FTO: variants seen among roughly 807,000 people sequenced by gnomAD.
FTO encodes FTO alpha-ketoglutarate dependent dioxygenase.
FTO carries 47 observed loss-of-function variants against 63.9 expected under a neutral mutation model. The ratio of observed to expected loss-of-function variants is 0.74; its 90% CI spans 0.58 to 0.94. FTO has a LOEUF of 0.94. Ranked by LOEUF, FTO falls within the 40% of genes least tolerant of loss-of-function variation. FTO has a pLI of 0.00. For synonymous variants in FTO, 207 were observed against 224.4 expected, an observed-to-expected ratio of 0.92 and a Z score of 0.69; for missense variants, 562 against 618.1, an observed-to-expected ratio of 0.91 and a Z score of 0.96.
intron 4 of FTO, among the ~76,000 whole-genome samples, chr16:53,869,616 C>T (rs1025704318): frequency 8.7e-5 from 13 of 148,852 alleles, no homozygotes; most frequent in Admixed American, 3.4e-4. Context: ...TCCTCATGCT[C>T]AGAGATCTTT....
At chr16:54,056,805 C>T (rs1217501300) in intron 8 of FTO, among the ~76,000 whole-genome samples, 1 of 152,192 alleles carries the variant, frequency 6.6e-6, no homozygotes, top group Non-Finnish European at 1.5e-5. Flanking sequence ...AATTCCTGAC[C>T]CACAGAAACT....
chr16:53,857,474 A>G (rs916596821), intron 4 of FTO, among the ~76,000 whole-genome samples: 5 of 138,354 alleles, frequency 3.6e-5, no homozygotes, highest in Admixed American at 6.8e-5. Context: ...CTCTTTCTAT[A>G]TATATATAGG....
At chr16:53,757,261 C>T (rs928790098) in intron 1 of FTO, among the ~76,000 whole-genome samples, 3 of 152,052 alleles carry the variant, frequency 2.0e-5, no homozygotes, top group African/African-American at 7.2e-5. Flanking sequence ...TAGCAATTTT[C>T]AAGTATATAA....
intron 8 of FTO, among the ~76,000 whole-genome samples, chr16:54,091,994 G>A (rs1485699515): frequency 1.3e-5 from 2 of 152,220 alleles, no homozygotes; most frequent in Non-Finnish European, 1.5e-5. Context: ...AAAAGAAAAA[G>A]GGCTGGGCAC....
At chr16:54,094,622 C>T (rs2086470997) in intron 8 of FTO, among the ~76,000 whole-genome samples, 1 of 152,206 alleles carries the variant, frequency 6.6e-6, no homozygotes, top group African/African-American at 2.4e-5. Context: ...CTTGGGAATC[C>T]AGGGAGGCTT....
chr16:53,926,166 T>C (rs2082133494), intron 7 of FTO, among the ~76,000 whole-genome samples: 1 of 152,168 alleles, frequency 6.6e-6, no homozygotes, highest in Admixed American at 6.6e-5. Context: ...TTTAGGCACG[T>C]CCATCCAAAT....
At chr16:53,787,112 A>AAAAAG (rs1226711377) in intron 1 of FTO, among the ~76,000 whole-genome samples, 1 of 14,836 alleles carries the variant, frequency 6.7e-5, no homozygotes, top group African/African-American at 1.2e-4. Flanking sequence ...CTCCTTCTCA[A>AAAAAG]AAAAAAAAAA....
At chr16:54,100,492 G>A (rs1225763548) in intron 8 of FTO, among the ~76,000 whole-genome samples, 1 of 151,970 alleles carries the variant, frequency 6.6e-6, no homozygotes, top group African/African-American at 2.4e-5. Context: ...AGCTAGGACT[G>A]CAGCTGCCCG....
chr16:53,796,766 A>G (rs563338457), intron 1 of FTO, among the ~76,000 whole-genome samples: 1 of 152,214 alleles, frequency 6.6e-6, no homozygotes. Context: ...AGTAATCCTT[A>G]CTTACTCTTC....
chr16:54,079,006 A>G (rs768159991), intron 8 of FTO, among the ~76,000 whole-genome samples: 2 of 152,192 alleles, frequency 1.3e-5, no homozygotes, highest in Admixed American at 6.5e-5. Flanking sequence ...AATTTCAATA[A>G]TGTTTTTAAG....
chr16:53,943,871 G>A (rs999140194), intron 8 of FTO, among the ~76,000 whole-genome samples: 3 of 152,180 alleles, frequency 2.0e-5, no homozygotes, highest in Admixed American at 1.3e-4. Flanking sequence ...TAGGGAATCC[G>A]TAACATAAAT....
Position 54,112,204 on chromosome 16 carries a change from C to T in FTO, c.*289C>T, listed in dbSNP as rs560842024. 2.1e-5 allele frequency: 9 copies of T among 423,938 alleles called. No individual in the cohort carries two copies. Among genetic ancestry groups the T allele is most frequent in the East Asian group, 5.2e-5 (1 of 19,262 alleles). 26.3% of individuals were successfully genotyped at this position (423,938 alleles called of 1,614,324 possible). ...CAAGGTCCAGGGCAGGCGACAGGAA[C>T]GAGCCCAGCGTGTGACAAAGCCTAA... On this transcript the variant is annotated 3_prime_UTR_variant, in exon 9 of 9. Transcript: ENST00000471389.
At chr16:53,760,252 G>T (rs1357104701) in intron 1 of FTO, among the ~76,000 whole-genome samples, 222 of 14,486 alleles carry the variant, frequency 0.015, 6 homozygotes, top group African/African-American at 0.05. Flanking sequence ...GTGTGTGTGT[G>T]TGTGTGTGTT....
intron 1 of FTO, among the ~76,000 whole-genome samples, chr16:53,734,584 A>G (rs1044810350): frequency 6.6e-6 from 1 of 152,254 alleles, no homozygotes; most frequent in African/African-American, 2.4e-5. Flanking sequence ...CAGAATTTCC[A>G]TGTAACAGTG....
At position 53,880,244 on chromosome 16, in the gene FTO, G is replaced by A. The variant is rs139395293; in HGVS notation, c.1119+257G>A. On this transcript the variant is annotated intron_variant, in intron 6 of 8. Coordinates refer to ENST00000471389, the MANE Select transcript of FTO (RefSeq NM_001080432.3). The stretch of plus-strand genomic sequence containing the variant: ...ACTCCTGACCTCAAGTGATCTGCCC[G>A]CCTCAGCCTCCTGAAGTGCTGGGAT... Among the ~76,000 whole-genome samples the A allele has an allele frequency of 1.5e-3, 227 of 152,230 alleles. 1 individual carries two copies. The highest frequency in any genetic ancestry group is 5.1e-3 in the African/African-American group (211 of 41,556).
At chr16:53,988,013 C>T (rs1039950155) in intron 8 of FTO, among the ~76,000 whole-genome samples, 3 of 152,130 alleles carry the variant, frequency 2.0e-5, no homozygotes, top group Admixed American at 1.3e-4. Flanking sequence ...AAAATTAATT[C>T]TCCTGTTTTG....
Position 53,934,058 on chromosome 16 carries a change from T to A in FTO, c.1313T>A (p.Ile438Asn). The A allele has an allele frequency of 1.2e-6, 2 of 1,614,144 alleles. No homozygotes were observed. The highest frequency in any genetic ancestry group is 1.7e-6 in the Non-Finnish European group (2 of 1,179,980). ...CAAAGGAATGAAATCTTGACTGCCA[T>A]CCTTGCCTCGCTCACTGCACGCCAG... ...VEQRNEILTA[I>N]LASLTARQNL... The change falls in exon 8 of 9, where the codon ATC (isoleucine) becomes AAC (asparagine). Residue 438 changes from isoleucine to asparagine, a missense_variant. Coordinates refer to ENST00000471389, the MANE Select transcript of FTO (RefSeq NM_001080432.3).
At chr16:54,053,100 G>A (rs1169309077) in intron 8 of FTO, among the ~76,000 whole-genome samples, 1 of 152,192 alleles carries the variant, frequency 6.6e-6, no homozygotes, top group Non-Finnish European at 1.5e-5. Context: ...TTTTGCTGTA[G>A]CAGATTTTAC....
intron 3 of FTO, among the ~76,000 whole-genome samples, chr16:53,828,728 G>T (rs914056385): frequency 6.6e-6 from 1 of 152,130 alleles, no homozygotes; most frequent in Non-Finnish European, 1.5e-5. Context: ...GTCACAGAAG[G>T]TTGATTAACT....
Sources: allele counts gnomAD v4.1 joint callset (sites outside exome capture counted in the v4.1 genomes callset), GRCh38; gene constraint gnomAD v4.1.1; transcripts MANE v1.5; gene names NCBI Gene and HGNC (gene_info 2026-07-23, HGNC 2026-07-21).